The following KIF21A variants were observed in gnomAD, a reference collection of about 807,000 sequenced individuals.
KIF21A encodes the protein kinesin-like protein KIF21A.
Under a neutral mutation model 202.9 loss-of-function variants are expected in KIF21A, and 114 were observed. The observed-to-expected ratio is 0.56, with a 90% CI of 0.48 to 0.66. KIF21A has a LOEUF of 0.66. Among genes scored for constraint, KIF21A ranks in the 30% least tolerant of loss-of-function variants. The probability of loss-of-function intolerance (pLI) is 0.00; values close to 1 mark genes in which losing one functional copy is unlikely to be tolerated. For missense variants in KIF21A, 1,677 were observed against 1,994.9 expected, an observed-to-expected ratio of 0.84 and a Z score of 3.04; for synonymous variants, 667 against 670.8, an observed-to-expected ratio of 0.99 and a Z score of 0.09.
chr12:39,298,542 A>T (rs1461067779), intron 37 of KIF21A, among the ~76,000 whole-genome samples: 1 of 152,180 alleles, frequency 6.6e-6, no homozygotes, highest in Non-Finnish European at 1.5e-5. Flanking sequence ...AAACTTTCGT[A>T]GAAGAGCCAA....
Position 39,318,129 on chromosome 12 carries a change from C to G in KIF21A, c.3852G>C (p.Leu1284=). The G allele has an allele frequency of 6.2e-7, 1 of 1,613,476 alleles. No homozygotes were observed. Among genetic ancestry groups the G allele is most frequent in the Non-Finnish European group, 8.5e-7 (1 of 1,179,590 alleles). Reference sequence around the variant, plus strand: ...AAACAGTAAGACGATTAAAAACATTCAGTTCATTACGGGGCCGGCTTGGTG... The same window carrying G: ...AAACAGTAAGACGATTAAAAACATTGAGTTCATTACGGGGCCGGCTTGGTG... ...SSPPSRPRNE[L]NVFNRLTVSQ... The change falls in exon 29 of 38, where the codon CTG becomes CTC. Residue 1284 remains leucine (L), a synonymous_variant. Coordinates refer to ENST00000361418, the MANE Select transcript of KIF21A (RefSeq NM_001173464.2).
chr12:39,412,559 T>C (rs1298330485), intron 1 of KIF21A, among the ~76,000 whole-genome samples: 6 of 151,684 alleles, frequency 4.0e-5, no homozygotes, highest in East Asian at 3.9e-4. Flanking sequence ...TCTACAAAAA[T>C]ACAAAAATTA....
intron 35 of KIF21A, among the ~76,000 whole-genome samples, chr12:39,303,844 T>C (rs1053886860): frequency 6.6e-6 from 1 of 152,196 alleles, no homozygotes; most frequent in African/African-American, 2.4e-5. Flanking sequence ...CCCGTAACCT[T>C]GTGCTTTCCT....
At chr12:39,367,319 T>A in intron 4 of KIF21A, 155 bp from the exon 5 acceptor site, 1 of 740,824 alleles carries the variant, frequency 1.3e-6, no homozygotes. Flanking sequence ...CTTTTTGAGA[T>A]GGACTTCTCA....
intron 1 of KIF21A, among the ~76,000 whole-genome samples, chr12:39,432,456 T>A (rs899519568): frequency 1.3e-5 from 2 of 152,116 alleles, no homozygotes; most frequent in Non-Finnish European, 2.9e-5. Context: ...CCTATAAAAA[T>A]GAAATTAATG....
Position 39,307,720 on chromosome 12 carries a change from A to G in KIF21A, c.4287T>C (p.Gly1429=). ...AKCIRTLTSS[G]QVTLGDACSA... is the part of the protein sequence containing the mutation. ...AACAAGCATCTCCAAGAGTAACTTGACCTGAAGACCTTAAGAGATACAAAC... is the reference window on the plus strand; with the variant it reads ...AACAAGCATCTCCAAGAGTAACTTGGCCTGAAGACCTTAAGAGATACAAAC... The change falls in exon 34 of 38, where the codon GGT becomes GGC. Residue 1429 remains glycine (G), a synonymous_variant. Transcript: ENST00000361418. The G allele has an allele frequency of 6.2e-7, 1 of 1,613,958 alleles. No homozygotes were observed. Among genetic ancestry groups the G allele is most frequent in the Admixed American group, 1.7e-5 (1 of 60,018 alleles).
intron 25 of KIF21A, 151 bp downstream of exon 25, chr12:39,326,113 T>C: frequency 1.4e-6 from 1 of 714,628 alleles, no homozygotes; most frequent in Non-Finnish European, 2.4e-6. Flanking sequence ...AAGCATGACT[T>C]AACTTGGTTT....
chr12:39,354,189 AT>A (rs1176813465), intron 10 of KIF21A, among the ~76,000 whole-genome samples: 1 of 152,214 alleles, frequency 6.6e-6, no homozygotes, highest in Non-Finnish European at 1.5e-5. Flanking sequence ...AAAGTTGGAA[AT>A]AATATAATCA....
At chr12:39,354,544 TTA>T (rs1320230168) in intron 10 of KIF21A, among the ~76,000 whole-genome samples, 3 of 152,186 alleles carry the variant, frequency 2.0e-5, no homozygotes, top group Non-Finnish European at 4.4e-5. Context: ...GTGATTATTA[TTA>T]TCTCACAAGT....
intron 11 of KIF21A, among the ~76,000 whole-genome samples, chr12:39,348,182 A>G (rs1948063831): frequency 6.6e-6 from 1 of 152,088 alleles, no homozygotes; most frequent in African/African-American, 2.4e-5. Context: ...AGGGACAGAG[A>G]AATAAATGAA....
rs1041857523 is a variant in KIF21A, at chr12:39,441,676, A to AAAAAAAC, written c.44+1250_44+1251insGTTTTTT. Among the ~76,000 whole-genome samples the AAAAAAAC allele has an allele frequency of 8.3e-3, 1,138 of 137,364 alleles. 70 individuals are homozygous for AAAAAAAC. The highest frequency in any genetic ancestry group is 0.014 in the Non-Finnish European group (874 of 64,174). The allele number at this position is 137,364 out of a possible 152,430, so 90.1% of individuals were successfully genotyped here. ...CCTGGGTGGTAAAAAAAAAAAAAAAAAAAACACTTAAAAACTCATTTTATT... is the reference window on the plus strand; with the variant it reads ...CCTGGGTGGTAAAAAAAAAAAAAAAAAAAAAACAAAACACTTAAAAACTCATTTTATT... On this transcript the variant is annotated intron_variant, in intron 1 of 37. Transcript: ENST00000361418.
chr12:39,429,775 T>G (rs1252815525), intron 1 of KIF21A, among the ~76,000 whole-genome samples: 1 of 152,030 alleles, frequency 6.6e-6, no homozygotes, highest in Non-Finnish European at 1.5e-5. Context: ...GGTTAGTTAT[T>G]AGATATTACC....
intron 24 of KIF21A, 70 bp from the exon 25 acceptor site, chr12:39,326,394 G>T: frequency 1.9e-6 from 2 of 1,038,754 alleles, no homozygotes; most frequent in South Asian, 1.3e-5. Context: ...GCAATCCATA[G>T]GCTGTAATAA....
Position 39,408,767 on chromosome 12 carries a change from C to T in KIF21A, c.44+34160G>A, listed in dbSNP as rs186703878. ...ACATAACACATGTATAATTAGAGTCCCAGAACAAGAGAATGTGGCAGAAGC... is the reference window on the plus strand; with the variant it reads ...ACATAACACATGTATAATTAGAGTCTCAGAACAAGAGAATGTGGCAGAAGC... On this transcript the variant is annotated intron_variant, in intron 1 of 37. Coordinates refer to ENST00000361418, the MANE Select transcript of KIF21A (RefSeq NM_001173464.2). 2.3e-3 allele frequency among the ~76,000 whole-genome samples: 354 copies of T among 151,452 alleles called. 9 individuals carry two copies. Among genetic ancestry groups the T allele is most frequent in the Admixed American group, 0.023 (348 of 15,194 alleles).
chr12:39,432,217 T>A (rs1268199739), intron 1 of KIF21A, among the ~76,000 whole-genome samples: 2 of 152,266 alleles, frequency 1.3e-5, no homozygotes, highest in Admixed American at 1.3e-4. Context: ...GGGAAATATC[T>A]ACTTCATCCT....
chr12:39,350,337 A>T (rs1254913086), intron 11 of KIF21A, among the ~76,000 whole-genome samples: 1 of 152,000 alleles, frequency 6.6e-6, no homozygotes, highest in Non-Finnish European at 1.5e-5. Context: ...GTGATTAAGG[A>T]AATATCTCTA....
chr12:39,359,683 A>C (rs960078713), intron 7 of KIF21A, among the ~76,000 whole-genome samples: 1 of 152,208 alleles, frequency 6.6e-6, no homozygotes, highest in African/African-American at 2.4e-5. Flanking sequence ...TGTGGTCCCC[A>C]GTCTAGCACC....
chr12:39,416,811 G>GTGTATATATATATGTACATATA (rs1953769109), intron 1 of KIF21A, among the ~76,000 whole-genome samples: 1 of 106,306 alleles, frequency 9.4e-6, no homozygotes, highest in African/African-American at 4.8e-5. Context: ...ACATATATAT[G>GTGTATATATATATGTACATATA]TGTGTATATA....
At chr12:39,436,422 T>TTATATATATATATATATATATATATATA (rs1199818833) in intron 1 of KIF21A, among the ~76,000 whole-genome samples, 4 of 99,096 alleles carry the variant, frequency 4.0e-5, no homozygotes, top group South Asian at 4.7e-4. Context: ...GTTTACTATA[T>TTATATATATATATATATATATATATATA]TATATATATA....
Sources: gnomAD v4.1 joint callset for allele counts (sites outside exome capture counted in the v4.1 genomes callset) on GRCh38, gnomAD v4.1.1 for gene constraint, MANE v1.5 for transcripts, NCBI Gene and HGNC (gene_info 2026-07-23, HGNC 2026-07-21) for gene names.